The following HLCS variants were observed in gnomAD, a reference collection of about 807,000 sequenced individuals.
HLCS encodes holocarboxylase synthetase.
In HLCS, 53 loss-of-function variants were observed where a neutral mutation model predicts 75.0. The ratio of observed to expected loss-of-function variants is 0.71; its 90% CI spans 0.57 to 0.89. HLCS has a LOEUF of 0.89. Among genes scored for constraint, HLCS ranks in the 40% least tolerant of loss-of-function variants. The probability of loss-of-function intolerance (pLI) is 0.00; values close to 1 mark genes in which losing one functional copy is unlikely to be tolerated. For missense variants in HLCS, 966 were observed against 1,074.0 expected (o/e 0.90, Z 1.41); for synonymous variants, 431 against 428.6 (o/e 1.01, Z -0.07).
chr21:36,773,374 G>A (rs947706240), intron 6 of HLCS, among the ~76,000 whole-genome samples: 24 of 152,246 alleles, frequency 1.6e-4, no homozygotes, highest in Admixed American at 4.6e-4. Flanking sequence ...CTGCCACTGG[G>A]AGCAGCTGGC....
At chr21:36,937,520 C>T (rs1019501561) in intron 3 of HLCS, 128 bp from the exon 4 acceptor site, 54 of 840,574 alleles carry the variant, frequency 6.4e-5, no homozygotes, top group Admixed American at 1.8e-4. Flanking sequence ...GCCTCTGGCA[C>T]GGCTCCCACC....
At chr21:36,767,320 C>T in intron 6 of HLCS, 35 bp from the exon 7 acceptor site, 1 of 1,596,604 alleles carries the variant, frequency 6.3e-7, no homozygotes, top group Non-Finnish European at 8.6e-7. Flanking sequence ...TTAGGCCAGA[C>T]ATGGACACGC....
chr21:36,754,398 C>T lies in HLCS; in HGVS notation c.2470G>A (p.Gly824Ser). 1.2e-6 allele frequency: 2 copies of T among 1,613,168 alleles called. No individual in the cohort carries two copies. Among genetic ancestry groups the T allele is most frequent in the Non-Finnish European group, 1.7e-6 (2 of 1,179,938 alleles). Residue 824 changes from glycine (G) to serine (S), a missense_variant, in exon 11 of 11, where the codon GGC (glycine) becomes AGC (serine). By Grantham distance (56) the Gly-to-Ser change is moderately conservative (BLOSUM62 0). Coordinates refer to ENST00000674895, the MANE Select transcript of HLCS (RefSeq NM_001352514.2). ...GACACCTTTGGTCCCTCTGCGCTGC[C>T]CAGATGGACTTGCTGACCACTGAAA... ...WVHSGQQVHL[G>S]SAEGPKVSIV...
At chr21:36,964,629 A>G (rs1249186326) in intron 1 of HLCS, among the ~76,000 whole-genome samples, 1 of 152,220 alleles carries the variant, frequency 6.6e-6, no homozygotes, top group African/African-American at 2.4e-5. Context: ...TACTGTGCAG[A>G]GTGACAGAGC....
intron 5 of HLCS, among the ~76,000 whole-genome samples, chr21:36,920,126 A>C (rs1303979528): frequency 6.6e-6 from 1 of 152,136 alleles, no homozygotes; most frequent in African/African-American, 2.4e-5. Flanking sequence ...TGAGCCCAGA[A>C]ATTTGAGACC....
chr21:36,815,304 C>A (rs2061629931), intron 6 of HLCS, among the ~76,000 whole-genome samples: 2 of 150,900 alleles, frequency 1.3e-5, no homozygotes, highest in South Asian at 4.2e-4. Context: ...GCTGGGATTG[C>A]AGGCGTGAGC....
In HLCS at chr21:36,809,256, C is replaced by T. The variant is rs1346297615; in HGVS notation, c.1893-41971G>A. On this transcript the variant is annotated intron_variant, in intron 6 of 10. Transcript: ENST00000674895. ...GGGTTAGAATTTTCTGATTCTCTTT[C>T]AGTACCTTGAAAATGTTATTCCATG... is the stretch of plus-strand genomic sequence containing the variant. Among the ~76,000 whole-genome samples, 5 of 152,140 alleles carry T rather than the reference C, an allele frequency of 3.3e-5. No individual in the cohort carries two copies. The East Asian group carries it at 9.6e-4, about 29-fold the overall frequency.
In HLCS at chr21:36,756,533, A is replaced by C; in HGVS notation, c.2450+9T>G. 1 of 1,581,808 alleles carries C rather than the reference A, an allele frequency of 6.3e-7. No homozygotes were observed. Among genetic ancestry groups the C allele is most frequent in the Non-Finnish European group, 8.6e-7 (1 of 1,157,288 alleles). On this transcript the variant is annotated intron_variant, in intron 10 of 10. Coordinates refer to ENST00000674895, the MANE Select transcript of HLCS (RefSeq NM_001352514.2). The stretch of plus-strand genomic sequence containing the variant: ...GAGTTGAAAAGAATGAAGATGAGCC[A>C]GCACTGACCTGTGGACCCAGTATCG...
chr21:36,875,814 C>T (rs1050207553), intron 6 of HLCS, among the ~76,000 whole-genome samples: 2 of 151,964 alleles, frequency 1.3e-5, no homozygotes, highest in Admixed American at 6.6e-5. Context: ...TCCCCCTGCT[C>T]GCCATGTTGC....
chr21:36,864,141 T>C (rs1196233513), intron 6 of HLCS, among the ~76,000 whole-genome samples: 1 of 152,204 alleles, frequency 6.6e-6, no homozygotes, highest in Non-Finnish European at 1.5e-5. Context: ...GGCTCATGCC[T>C]GTAATTCCAG....
At chr21:36,962,995 A>G (rs1258735526) in intron 1 of HLCS, among the ~76,000 whole-genome samples, 1 of 152,098 alleles carries the variant, frequency 6.6e-6, no homozygotes, top group Non-Finnish European at 1.5e-5. Context: ...GAAGTGTGCA[A>G]GTCTCTGGAT....
Position 36,944,385 on chromosome 21 carries a change from G to A in HLCS, c.331-5391C>T, listed in dbSNP as rs542056773. Among the ~76,000 whole-genome samples the A allele has an allele frequency of 8.5e-5, 13 of 152,232 alleles. No homozygotes were observed. The South Asian group carries it at 2.3e-3, about 27-fold the overall frequency. On this transcript the variant is annotated intron_variant, in intron 2 of 10. Coordinates refer to ENST00000674895, the MANE Select transcript of HLCS (RefSeq NM_001352514.2). ...TAGAAAGAATTGAATAGAAAGAGGC[G>A]CAAGACAAATGCATTGGGGTGATGG...
chr21:36,754,027 C>T lies in HLCS; in HGVS notation c.*219G>A, dbSNP rs2089458767. ...ATTTCCCACCTGTGGGAGGGCTTTCCCTAAACTAAATTTTCTACTTCTTAA... is the reference window on the plus strand; with the variant it reads ...ATTTCCCACCTGTGGGAGGGCTTTCTCTAAACTAAATTTTCTACTTCTTAA... On this transcript the variant is annotated 3_prime_UTR_variant, in exon 11 of 11. Transcript: ENST00000674895. The T allele has an allele frequency of 3.3e-6, 2 of 603,600 alleles. No individual in the cohort carries two copies. Among genetic ancestry groups the T allele is most frequent in the African/African-American group, 3.7e-5 (2 of 54,050 alleles). 37.4% of individuals were successfully genotyped at this position (603,600 alleles called of 1,614,324 possible). A position where few individuals can be genotyped will look rare whatever the true frequency, so the allele number is the denominator to read the frequency against.
At chr21:36,982,573 C>T (rs1463361553) in intron 1 of HLCS, among the ~76,000 whole-genome samples, 2 of 152,148 alleles carry the variant, frequency 1.3e-5, no homozygotes, top group African/African-American at 4.8e-5. Context: ...ATTATGAGGT[C>T]CTCAAACACA....
At chr21:36,790,378 T>G (rs1181889527) in intron 6 of HLCS, among the ~76,000 whole-genome samples, 2 of 152,176 alleles carry the variant, frequency 1.3e-5, no homozygotes, top group African/African-American at 2.4e-5. Context: ...CACTCCAGCC[T>G]GGCGATGGAG....
chr21:36,947,649 A>T, intron 2 of HLCS: 1 of 985,486 alleles, frequency 1.0e-6, no homozygotes, highest in African/African-American at 1.7e-5. Flanking sequence ...TCTGTTAAGT[A>T]ACTAAAGCTC....
At chr21:36,959,044 G>C (rs938351787) in intron 2 of HLCS, among the ~76,000 whole-genome samples, 23 of 152,180 alleles carry the variant, frequency 1.5e-4, no homozygotes, top group Admixed American at 1.5e-3. Flanking sequence ...TCCCGCTTCT[G>C]AGTTGGCAGG....
intron 6 of HLCS, among the ~76,000 whole-genome samples, chr21:36,849,067 A>C (rs1446481029): frequency 6.6e-6 from 1 of 152,250 alleles, no homozygotes; most frequent in Non-Finnish European, 1.5e-5. Flanking sequence ...TTATACATGG[A>C]AATCTAATCC....
intron 6 of HLCS, among the ~76,000 whole-genome samples, chr21:36,778,530 C>T (rs1190237306): frequency 6.6e-6 from 1 of 152,104 alleles, no homozygotes; most frequent in African/African-American, 2.4e-5. Flanking sequence ...TCACCCGCCT[C>T]GGCCTCCCAA....
Sources: gnomAD v4.1 joint callset for allele counts (sites outside exome capture counted in the v4.1 genomes callset) on GRCh38, gnomAD v4.1.1 for gene constraint, MANE v1.5 for transcripts, NCBI Gene and HGNC (gene_info 2026-07-23, HGNC 2026-07-21) for gene names.